TMEM178A: variants seen among roughly 807,000 people sequenced by gnomAD.
The protein encoded by TMEM178A is transmembrane protein 178.
Under a neutral mutation model 29.1 loss-of-function variants are expected in TMEM178A, and 12 were observed. The observed-to-expected ratio is 0.41, with a 90% CI of 0.26 to 0.67. The LOEUF (loss-of-function observed/expected upper bound fraction) is 0.67, where lower values mean the gene tolerates loss of function less well. TMEM178A is among the 30% of genes least tolerant of loss of function. The probability of loss-of-function intolerance (pLI) is 0.29; values close to 1 mark genes in which losing one functional copy is unlikely to be tolerated. For missense variants in TMEM178A, 366 were observed against 419.1 expected, an observed-to-expected ratio of 0.87 and a Z score of 1.11; for synonymous variants, 210 against 187.2, an observed-to-expected ratio of 1.12 and a Z score of -0.99.
chr2:39,672,221 C>T (rs1670434715), intron 1 of TMEM178A, among the ~76,000 whole-genome samples: 1 of 152,164 alleles, frequency 6.6e-6, no homozygotes, highest in African/African-American at 2.4e-5. Context: ...TTACTATCTG[C>T]ACACAGGAAT....
chr2:39,675,123 G>T (rs1670562181), intron 1 of TMEM178A, among the ~76,000 whole-genome samples: 1 of 152,064 alleles, frequency 6.6e-6, no homozygotes. Context: ...TCTCAAATGG[G>T]TTTTAATTTA....
intron 2 of TMEM178A, among the ~76,000 whole-genome samples, chr2:39,705,805 A>G (rs1672005027): frequency 6.6e-6 from 1 of 152,184 alleles, no homozygotes; most frequent in Non-Finnish European, 1.5e-5. Context: ...AGCAGCCCAC[A>G]CTTCGAACAG....
rs1672601979 is a variant in TMEM178A at position 39,717,608 on chromosome 2, G to A, written c.*357G>A. ...CGAGAGTCATTTCTACTTGCAAAAG[G>A]ATTCGTAACAAAGCGAGTATAATTT... On this transcript the variant is annotated 3_prime_UTR_variant, in exon 4 of 4. Coordinates refer to ENST00000281961, the MANE Select transcript of TMEM178A (RefSeq NM_152390.3). 1 of 181,744 alleles carries A rather than the reference G, an allele frequency of 5.5e-6. No homozygotes were observed. The highest frequency in any genetic ancestry group is 1.2e-5 in the Non-Finnish European group (1 of 85,962). 11.3% of individuals were successfully genotyped at this position (181,744 alleles called of 1,614,324 possible). A position where few individuals can be genotyped will look rare whatever the true frequency, so the allele number is the denominator to read the frequency against.
downstream of TMEM178A, among the ~76,000 whole-genome samples, chr2:39,719,991 CT>C (rs1325832263): frequency 2.6e-5 from 4 of 151,960 alleles, no homozygotes; most frequent in African/African-American, 9.7e-5. Flanking sequence ...GGTTTTTGCC[CT>C]GGTAAAGCTT....
intron 1 of TMEM178A, among the ~76,000 whole-genome samples, chr2:39,686,969 G>A (rs1308181148): frequency 4.9e-5 from 1 of 20,298 alleles, no homozygotes; most frequent in Non-Finnish European, 7.9e-5. Flanking sequence ...ATGCATGTGT[G>A]TGTGTGTGTG....
At chr2:39,728,872 A>C in the TMEM178A span, among the ~76,000 whole-genome samples, 2 of 152,194 alleles carry the variant, frequency 1.3e-5, no homozygotes, top group Non-Finnish European at 2.9e-5. Flanking sequence ...AAAACATTAA[A>C]AATGATTTTG....
chr2:39,716,864 A>G, intron 3 of TMEM178A, 146 bp from the exon 4 acceptor site: 1 of 1,055,412 alleles, frequency 9.5e-7, no homozygotes, highest in Non-Finnish European at 1.4e-6. Flanking sequence ...ATATGAATTA[A>G]TTCAAGTAAA....
intron 1 of TMEM178A, among the ~76,000 whole-genome samples, chr2:39,688,373 C>T (rs1273750352): frequency 1.3e-5 from 2 of 152,200 alleles, no homozygotes; most frequent in Non-Finnish European, 2.9e-5. Context: ...AGGAACTAGA[C>T]ACATGGGAAA....
At chr2:39,732,543 T>C in the TMEM178A span, among the ~76,000 whole-genome samples, 1 of 152,194 alleles carries the variant, frequency 6.6e-6, no homozygotes, top group Non-Finnish European at 1.5e-5. Context: ...GGTCACCTAG[T>C]GTCCCATGGT....
intron 3 of TMEM178A, among the ~76,000 whole-genome samples, chr2:39,707,533 G>A (rs1459677288): frequency 6.6e-6 from 1 of 152,052 alleles, no homozygotes; most frequent in Non-Finnish European, 1.5e-5. Context: ...GTGTAGTGGT[G>A]CGATCTTGCC....
intron 1 of TMEM178A, chr2:39,687,496 G>A (rs958456919): frequency 4.2e-5 from 7 of 166,946 alleles, no homozygotes; most frequent in Admixed American, 6.5e-5. Context: ...TTATAGAGAG[G>A]TGGAGTCACT....
In TMEM178A at chr2:39,666,197, C is replaced by T; in HGVS notation, c.223C>T (p.Arg75Cys). The change falls in exon 1 of 4, where the codon CGC (arginine) becomes TGC (cysteine). Residue 75 changes from arginine to cysteine, a missense_variant. Arg to Cys is a radical substitution (Grantham distance 180). Coordinates refer to ENST00000281961, the MANE Select transcript of TMEM178A (RefSeq NM_152390.3). The stretch of plus-strand genomic sequence containing the variant: ...GCTGCGGGACTCGCCCCCGCTGGGG[C>T]GCCGGCTGCTCCCGGGCGGCCCGGG... The part of the protein sequence containing the change: ...LPLRDSPPLG[R>C]RLLPGGPGRA... 7.1e-7 allele frequency: 1 copy of T among 1,416,124 alleles called. No individual in the cohort carries two copies. The highest frequency in any genetic ancestry group is 9.2e-7 in the Non-Finnish European group (1 of 1,090,434). 87.7% of individuals were successfully genotyped at this position (1,416,124 alleles called of 1,614,324 possible). A position where few individuals can be genotyped will look rare whatever the true frequency, so the allele number is the denominator to read the frequency against.
At chr2:39,677,144 CCTCA>C (rs1367671063) in intron 1 of TMEM178A, among the ~76,000 whole-genome samples, 1 of 152,120 alleles carries the variant, frequency 6.6e-6, no homozygotes, top group African/African-American at 2.4e-5. Flanking sequence ...CAGCCTTTGT[CCTCA>C]CTCTCGTCCC....
upstream of TMEM178A, chr2:39,665,875 G>C (rs1213143870): frequency 2.2e-5 from 24 of 1,105,926 alleles, no homozygotes; most frequent in African/African-American, 1.4e-4. Context: ...GGGGGCAGGT[G>C]GGGGGAAGAG....
chr2:39,724,352 C>T, the TMEM178A span, among the ~76,000 whole-genome samples: 1 of 152,004 alleles, frequency 6.6e-6, no homozygotes, highest in East Asian at 1.9e-4. Context: ...CATGAATTTC[C>T]GTCCTTTCTC....
downstream of TMEM178A, among the ~76,000 whole-genome samples, chr2:39,718,929 T>C (rs1672645765): frequency 6.6e-6 from 1 of 152,236 alleles, no homozygotes; most frequent in Non-Finnish European, 1.5e-5. Flanking sequence ...CTTTTCTTTC[T>C]TCTTTATAAA....
In TMEM178A at chr2:39,717,011, G is replaced by T. The variant is rs768433672; in HGVS notation, c.654G>T (p.Gly218=). The change falls in exon 4 of 4, where the codon GGG becomes GGT. Residue 218 remains glycine (G), a splice_region_variant and synonymous_variant. Transcript: ENST00000281961. ...CTGTTCTCTTTGTATTATTTATAGG[G>T]ATATTTTGCACCATTTCCCTCTGTA... The part of the protein sequence containing the change: ...HVAGLLFLMT[G]IFCTISLCTY... The T allele has an allele frequency of 9.3e-6, 15 of 1,609,984 alleles. No individual in the cohort carries two copies. Among genetic ancestry groups the T allele is most frequent in the Non-Finnish European group, 1.3e-5 (15 of 1,178,362 alleles).
chr2:39,712,738 G>A (rs1672364172), intron 3 of TMEM178A, among the ~76,000 whole-genome samples: 1 of 152,092 alleles, frequency 6.6e-6, no homozygotes, highest in Non-Finnish European at 1.5e-5. Context: ...AAGTGGAAAG[G>A]AAGGGAAAGC....
At position 39,703,415 on chromosome 2, in the gene TMEM178A, C is replaced by T. The variant is rs138929626; in HGVS notation, c.401-666C>T. On this transcript the variant is annotated intron_variant, in intron 1 of 3. Transcript: ENST00000281961. ...AGTGTACTAGATGAATCAATGTGTA[C>T]ACCTGCCCATATCAAAATATTGTGC... 3.4e-3 allele frequency among the ~76,000 whole-genome samples: 515 copies of T among 152,256 alleles called. 3 individuals are homozygous for T. The highest frequency in any genetic ancestry group is 0.012 in the African/African-American group (479 of 41,550).
Sources: gnomAD v4.1 joint callset for allele counts (sites outside exome capture counted in the v4.1 genomes callset) on GRCh38, gnomAD v4.1.1 for gene constraint, MANE v1.5 for transcripts, NCBI Gene and HGNC (gene_info 2026-07-23, HGNC 2026-07-21) for gene names.